LRP1B: variants seen among roughly 807,000 people sequenced by gnomAD.
LRP1B encodes LDL receptor related protein 1B.
LRP1B carries 217 observed loss-of-function variants against 556.6 expected under a neutral mutation model. The ratio of observed to expected loss-of-function variants is 0.39; its 90% CI spans 0.35 to 0.44. The LOEUF is 0.44. LRP1B is among the 20% of genes least tolerant of loss of function. LRP1B has a pLI of 1.00. For missense variants in LRP1B, 5,053 were observed against 5,620.8 expected (o/e 0.90, Z 3.23); for synonymous variants, 2,047 against 1,865.8 (o/e 1.10, Z -2.50).
At chr2:140,959,625 G>A (rs932323135) in intron 18 of LRP1B, among the ~76,000 whole-genome samples, 1 of 151,518 alleles carries the variant, frequency 6.6e-6, no homozygotes, top group Non-Finnish European at 1.5e-5. Context: ...AATCAACAAT[G>A]ATTAATTTAT....
chr2:141,529,132 C>T (rs62167937), intron 2 of LRP1B, among the ~76,000 whole-genome samples: 3,382 of 152,284 alleles, frequency 0.022, 102 homozygotes, highest in East Asian at 0.13. Context: ...GCCTTGTGTG[C>T]AGCTGGCTGC....
intron 2 of LRP1B, among the ~76,000 whole-genome samples, chr2:141,791,080 A>T (rs1242945322): frequency 2.6e-5 from 4 of 151,944 alleles, no homozygotes; most frequent in Non-Finnish European, 5.9e-5. Flanking sequence ...ATTATTTTTG[A>T]TATTTTTATC....
intron 2 of LRP1B, among the ~76,000 whole-genome samples, chr2:141,590,044 A>G (rs999974489): frequency 1.3e-5 from 2 of 152,136 alleles, no homozygotes; most frequent in Admixed American, 6.6e-5. Context: ...TTGAAATGCA[A>G]TGGGTTGTAC....
chr2:141,479,589 T>C (rs10169745), intron 3 of LRP1B, among the ~76,000 whole-genome samples: 78,629 of 152,000 alleles, frequency 0.52, 20,533 homozygotes, highest in Non-Finnish European at 0.56. Flanking sequence ...ACTCAGTCTA[T>C]GAGAATCTGA....
chr2:141,750,703 T>C (rs1481125460), intron 2 of LRP1B, among the ~76,000 whole-genome samples: 1 of 152,124 alleles, frequency 6.6e-6, no homozygotes, highest in Non-Finnish European at 1.5e-5. Flanking sequence ...ATTGAAACAG[T>C]GAAGCTTTTA....
chr2:140,601,118 T>C (rs1196348890), intron 42 of LRP1B, among the ~76,000 whole-genome samples: 1 of 151,570 alleles, frequency 6.6e-6, no homozygotes. Flanking sequence ...GTCTTCCGTG[T>C]ATGTTAATTT....
chr2:140,305,831 A>G (rs1217587731), intron 83 of LRP1B, among the ~76,000 whole-genome samples: 4 of 152,114 alleles, frequency 2.6e-5, no homozygotes, highest in Non-Finnish European at 5.9e-5. Context: ...TGTCCCATCA[A>G]TACCTAATTT....
Position 141,411,869 on chromosome 2 carries a change from A to C in LRP1B, c.343+68527T>G, listed in dbSNP as rs73963074. On this transcript the variant is annotated intron_variant, in intron 3 of 90. Coordinates refer to ENST00000389484, the MANE Select transcript of LRP1B (RefSeq NM_018557.3). ...ATGTATTGATTTGTTAAAAGTATAA[A>C]CAGAATGTGTGATAAGAATTTTTTA... Among the ~76,000 whole-genome samples the C allele has an allele frequency of 9.2e-3, 1,404 of 152,228 alleles. 24 individuals carry two copies. Among genetic ancestry groups the C allele is most frequent in the African/African-American group, 0.032 (1,325 of 41,536 alleles).
intron 5 of LRP1B, among the ~76,000 whole-genome samples, chr2:141,239,426 G>A (rs1227661522): frequency 6.6e-6 from 1 of 152,090 alleles, no homozygotes; most frequent in African/African-American, 2.4e-5. Flanking sequence ...GAAGTAGCTG[G>A]ACAGGAAAAT....
intron 66 of LRP1B, among the ~76,000 whole-genome samples, chr2:140,392,566 C>A (rs2105212548): frequency 6.6e-6 from 1 of 152,040 alleles, no homozygotes; most frequent in African/African-American, 2.4e-5. Context: ...CAGCCCACTG[C>A]AACCTCTACC....
At chr2:141,000,015 A>C (rs1378151673) in intron 15 of LRP1B, among the ~76,000 whole-genome samples, 1 of 152,026 alleles carries the variant, frequency 6.6e-6, no homozygotes, top group Non-Finnish European at 1.5e-5. Context: ...TCCTAGGCTC[A>C]AGAGAGCCCC....
chr2:140,481,929 G>A (rs932235686), intron 59 of LRP1B, among the ~76,000 whole-genome samples: 1 of 152,188 alleles, frequency 6.6e-6, no homozygotes, highest in Non-Finnish European at 1.5e-5. Context: ...TAGAGAGACC[G>A]TTCTTTTTGC....
At chr2:141,639,856 A>T (rs1005057642) in intron 2 of LRP1B, among the ~76,000 whole-genome samples, 4 of 152,102 alleles carry the variant, frequency 2.6e-5, no homozygotes, top group Non-Finnish European at 5.9e-5. Flanking sequence ...CAACCCCCAC[A>T]ACCTTCTTGT....
At chr2:141,544,854 T>C (rs1685496962) in intron 2 of LRP1B, among the ~76,000 whole-genome samples, 3 of 151,550 alleles carry the variant, frequency 2.0e-5, no homozygotes, top group African/African-American at 7.3e-5. Context: ...TTGGTAGAAG[T>C]GGTGTTTCAC....
intron 27 of LRP1B, among the ~76,000 whole-genome samples, chr2:140,860,305 T>C (rs902275715): frequency 1.3e-5 from 2 of 152,218 alleles, no homozygotes; most frequent in African/African-American, 4.8e-5. Flanking sequence ...TAATTATTGT[T>C]GTAACTGTGG....
At chr2:141,035,006 G>A (rs375464950) in intron 11 of LRP1B, among the ~76,000 whole-genome samples, 29 of 152,028 alleles carry the variant, frequency 1.9e-4, no homozygotes, top group Admixed American at 9.2e-4. Flanking sequence ...GCACATATAT[G>A]CCATGGAATA....
At chr2:140,418,133 T>G (rs959156935) in intron 66 of LRP1B, among the ~76,000 whole-genome samples, 2 of 152,190 alleles carry the variant, frequency 1.3e-5, no homozygotes, top group African/African-American at 4.8e-5. Flanking sequence ...GAATGACAAC[T>G]GTGAACAAAT....
intron 35 of LRP1B, among the ~76,000 whole-genome samples, chr2:140,723,427 CTT>C (rs1028365705): frequency 1.3e-5 from 2 of 152,012 alleles, no homozygotes; most frequent in African/African-American, 4.8e-5. Flanking sequence ...GATGAAAAGA[CTT>C]TGAGAATTAT....
chr2:141,270,365 G>T (rs1044989048), intron 3 of LRP1B, among the ~76,000 whole-genome samples: 1 of 152,000 alleles, frequency 6.6e-6, no homozygotes, highest in East Asian at 1.9e-4. Context: ...GAGGTAAAAT[G>T]GTGCAGCCAC....
Sources: allele counts gnomAD v4.1 joint callset (sites outside exome capture counted in the v4.1 genomes callset), GRCh38; gene constraint gnomAD v4.1.1; transcripts MANE v1.5; gene names NCBI Gene and HGNC (gene_info 2026-07-23, HGNC 2026-07-21).